The following FGF13 variants were observed in gnomAD, a reference collection of about 807,000 sequenced individuals.
FGF13 encodes fibroblast growth factor 13, also known as fibroblast growth factor homologous factor 2.
Under a neutral mutation model 19.5 loss-of-function variants are expected in FGF13, and 2 were observed. That is an observed-to-expected ratio of 0.10 (90% confidence interval 0.04 to 0.32). FGF13 has a LOEUF of 0.32. Ranked by LOEUF, FGF13 falls within the 10% of genes least tolerant of loss-of-function variation. The pLI is 1.00. For missense variants in FGF13, 113 were observed against 192.7 expected, an observed-to-expected ratio of 0.59 and a Z score of 2.45; for synonymous variants, 72 against 76.9, an observed-to-expected ratio of 0.94 and a Z score of 0.33.
intron 3 of FGF13, among the ~76,000 whole-genome samples, chrX:138,746,369 G>T (rs2090356074): frequency 9.0e-6 from 1 of 110,823 alleles, no homozygotes; most frequent in Non-Finnish European, 1.9e-5. Context: ...TTGTGAGGAT[G>T]AAGACTGGAG....
intron 3 of FGF13, among the ~76,000 whole-genome samples, chrX:138,747,663 T>G (rs2090365831): frequency 8.9e-6 from 1 of 111,783 alleles, no homozygotes; most frequent in African/African-American, 3.2e-5. Flanking sequence ...CAGGCCTCTT[T>G]AGCCAGGACT....
chrX:138,984,557 G>C (rs867401020), intron 1 of FGF13, among the ~76,000 whole-genome samples: 1 of 41,933 alleles, frequency 2.4e-5, no homozygotes, highest in Non-Finnish European at 4.6e-5. Flanking sequence ...AGAAGAAGAA[G>C]AAGAAGAAGA....
At chrX:139,022,232 G>C (rs757230149) in intron 1 of FGF13, among the ~76,000 whole-genome samples, 1 of 111,590 alleles carries the variant, frequency 9.0e-6, no homozygotes, top group African/African-American at 3.3e-5. Context: ...GAAGAAAAAA[G>C]GGATGTATAT....
intron 1 of FGF13, among the ~76,000 whole-genome samples, chrX:139,167,636 A>C (rs2084097417): frequency 8.9e-6 from 1 of 112,211 alleles, no homozygotes; most frequent in Non-Finnish European, 1.9e-5. Context: ...ATACAGAATG[A>C]TAAAGATCAT....
chrX:139,028,849 A>G (rs761163781), intron 1 of FGF13, among the ~76,000 whole-genome samples: 2 of 110,011 alleles, frequency 1.8e-5, no homozygotes, highest in African/African-American at 6.6e-5. Flanking sequence ...AAGTAAAATA[A>G]GATGCCCACT....
At position 138,984,814 on chromosome X, in the gene FGF13, CTGTG is replaced by C. The variant is rs200719953; in HGVS notation, c.-112-120168_-112-120165del. Among the ~76,000 whole-genome samples the C allele has an allele frequency of 8.8e-5, 8 of 90,850 alleles. 1 individual carries two copies. The highest frequency in any genetic ancestry group is 7.7e-4 in the East Asian group (2 of 2,585). 78.9% of individuals were successfully genotyped at this position (90,850 alleles called of 115,157 possible). ...AATGTACTGAGGTCCTATGTCAGTTCTGTGTGTGTGTGTGTGTGTGTGTGTGTTT... is the reference window on the plus strand; with the variant it reads ...AATGTACTGAGGTCCTATGTCAGTTCTGTGTGTGTGTGTGTGTGTGTGTTT... On this transcript the variant is annotated intron_variant, in intron 1 of 2. Coordinates refer to the FGF13 transcript ENST00000421460.
intron 3 of FGF13, among the ~76,000 whole-genome samples, chrX:138,646,473 T>G: frequency 9.0e-6 from 1 of 111,350 alleles, no homozygotes; most frequent in Middle Eastern, 4.6e-3. Flanking sequence ...TAGGAAGAGG[T>G]CTGACACAGA....
intron 1 of FGF13, among the ~76,000 whole-genome samples, chrX:138,935,020 G>A (rs185335515): frequency 9.0e-6 from 1 of 111,460 alleles, no homozygotes; most frequent in Non-Finnish European, 1.9e-5. Context: ...GCACCCCAAA[G>A]ATTTCAGGAG....
intron 1 of FGF13, among the ~76,000 whole-genome samples, chrX:139,073,466 T>C (rs1000889308): frequency 2.7e-5 from 3 of 111,530 alleles, no homozygotes; most frequent in African/African-American, 9.8e-5. Flanking sequence ...AACATTAGCC[T>C]TTGAATCACC....
chrX:138,865,468 TC>T (rs1569414073), intron 1 of FGF13, among the ~76,000 whole-genome samples: 46 of 86,486 alleles, frequency 5.3e-4, no homozygotes, highest in African/African-American at 2.7e-3. Flanking sequence ...TCTCTCTCTC[TC>T]TCTCCTCTCT....
At chrX:139,200,493 G>A (rs1188922538) in intron 1 of FGF13, among the ~76,000 whole-genome samples, 3 of 112,029 alleles carry the variant, frequency 2.7e-5, no homozygotes, top group Non-Finnish European at 5.6e-5. Flanking sequence ...AACAGCAGCT[G>A]TACAAGTGGC....
At chrX:139,160,748 G>A (rs1428335265) in intron 1 of FGF13, among the ~76,000 whole-genome samples, 1 of 112,001 alleles carries the variant, frequency 8.9e-6, no homozygotes, top group Non-Finnish European at 1.9e-5. Context: ...AAATCTAGAA[G>A]AAATGGTTAA....
intron 1 of FGF13, among the ~76,000 whole-genome samples, chrX:139,046,365 G>T (rs1468898573): frequency 1.8e-5 from 2 of 111,575 alleles, no homozygotes; most frequent in African/African-American, 6.6e-5. Context: ...CATCATTGGG[G>T]ATTATAATTC....
At chrX:138,953,645 A>G (rs2091826068) in intron 1 of FGF13, among the ~76,000 whole-genome samples, 1 of 111,748 alleles carries the variant, frequency 8.9e-6, no homozygotes, top group Non-Finnish European at 1.9e-5. Context: ...AACTTTATAT[A>G]TAATAGCCAA....
upstream of FGF13, chrX:138,711,735 C>A: frequency 1.4e-6 from 1 of 737,902 alleles, no homozygotes; most frequent in Non-Finnish European, 1.6e-6. Context: ...TTGCAGCCCC[C>A]TCCCGCGACG....
chrX:138,743,999 T>C (rs1031396123), upstream of FGF13, among the ~76,000 whole-genome samples: 1 of 111,401 alleles, frequency 9.0e-6, no homozygotes, highest in Non-Finnish European at 1.9e-5. Flanking sequence ...TAAAATGTTC[T>C]TCAGTGAATC....
chrX:139,065,481 C>CAAAAA (rs767805587), intron 1 of FGF13, among the ~76,000 whole-genome samples: 8 of 30,741 alleles, frequency 2.6e-4, no homozygotes, highest in Admixed American at 4.4e-4. Context: ...AAACGGAAAG[C>CAAAAA]AAAAAAAAAA....
chrX:139,066,052 C>A (rs1313676726), intron 1 of FGF13, among the ~76,000 whole-genome samples: 2 of 111,649 alleles, frequency 1.8e-5, no homozygotes, highest in Non-Finnish European at 3.8e-5. Context: ...GGAAACTGAA[C>A]AACCAGCTCC....
chrX:138,953,798 A>T (rs767661638), intron 1 of FGF13, among the ~76,000 whole-genome samples: 35 of 111,021 alleles, frequency 3.2e-4, no homozygotes, highest in Non-Finnish European at 5.9e-4. Flanking sequence ...CACCATCTGA[A>T]TGAAAAACAG....
Sources: gnomAD v4.1 joint callset for allele counts (sites outside exome capture counted in the v4.1 genomes callset) on GRCh38, gnomAD v4.1.1 for gene constraint, MANE v1.5 for transcripts, NCBI Gene and HGNC (gene_info 2026-07-23, HGNC 2026-07-21) for gene names.